Variants in XRCC5 observed in about 807,000 individuals in gnomAD.
The protein encoded by XRCC5 is DNA repair protein Ku80.
Under a neutral mutation model 95.7 loss-of-function variants are expected in XRCC5, and 12 were observed. That is an observed-to-expected ratio of 0.13 (90% CI 0.08 to 0.20). XRCC5 has a LOEUF of 0.20. Among genes scored for constraint, XRCC5 ranks in the 10% least tolerant of loss-of-function variants. The pLI is 1.00. For synonymous variants in XRCC5, 281 were observed against 290.3 expected (o/e 0.97, Z 0.33); for missense variants, 595 against 873.9 (o/e 0.68, Z 4.02).
rs1574456798 is a variant in XRCC5, at chr2:216,127,872, A to G, written c.937+198A>G. The G allele has an allele frequency of 3.2e-5, 12 of 380,292 alleles. No homozygotes were observed. In the East Asian group the frequency reaches 5.6e-4, roughly 18 times the overall value. The allele number at this position is 380,292 out of a possible 1,614,324, so 23.6% of individuals were successfully genotyped here. ...TAGGCAGGTTGCTTCTCAGGAGTACACTTGGGTGTTCCATCTCTGTGAGTT... is the reference window on the plus strand; with the variant it reads ...TAGGCAGGTTGCTTCTCAGGAGTACGCTTGGGTGTTCCATCTCTGTGAGTT... On this transcript the variant is annotated intron_variant, in intron 8 of 20. Coordinates refer to ENST00000392132, the MANE Select transcript of XRCC5 (RefSeq NM_021141.4).
chr2:216,112,885 T>A (rs1696614059), intron 1 of XRCC5, 131 bp from the exon 2 acceptor site: 1 of 675,376 alleles, frequency 1.5e-6, no homozygotes, highest in African/African-American at 1.8e-5. Context: ...CATTCTTATG[T>A]AGAACACATC....
intron 16 of XRCC5, among the ~76,000 whole-genome samples, chr2:216,176,297 T>G (rs1386968045): frequency 6.6e-6 from 1 of 152,084 alleles, no homozygotes; most frequent in Non-Finnish European, 1.5e-5. Flanking sequence ...TTTTGTATTT[T>G]TAGTGGAGAC....
chr2:216,155,336 G>A (rs1292487396), intron 14 of XRCC5, among the ~76,000 whole-genome samples: 3 of 151,580 alleles, frequency 2.0e-5, no homozygotes, highest in Non-Finnish European at 4.4e-5. Context: ...ATGGAAAAAT[G>A]GTCAAAGATT....
chr2:216,138,972 G>A (rs890950876), intron 12 of XRCC5, among the ~76,000 whole-genome samples: 4 of 152,062 alleles, frequency 2.6e-5, no homozygotes, highest in Non-Finnish European at 4.4e-5. Context: ...GCTATAGAAA[G>A]GCCAAGAATC....
chr2:216,204,048 A>C, intron 19 of XRCC5: 1 of 444,492 alleles, frequency 2.2e-6, no homozygotes. Flanking sequence ...AGGACACTAC[A>C]CACTGTCTCG....
At chr2:216,188,323 A>G (rs1689545904) in intron 16 of XRCC5, among the ~76,000 whole-genome samples, 1 of 152,196 alleles carries the variant, frequency 6.6e-6, no homozygotes, top group Non-Finnish European at 1.5e-5. Flanking sequence ...ATTATTTCCC[A>G]GTGTTAATTT....
intron 8 of XRCC5, among the ~76,000 whole-genome samples, chr2:216,130,357 A>G (rs950150131): frequency 1.3e-5 from 2 of 152,078 alleles, no homozygotes; most frequent in African/African-American, 2.4e-5. Context: ...AAAAATATAT[A>G]ACTTATCAAT....
chr2:216,117,520 C>A, intron 3 of XRCC5: 1 of 493,338 alleles, frequency 2.0e-6, no homozygotes, highest in East Asian at 3.0e-5. Flanking sequence ...TGTTAGATTA[C>A]CTTTTGTTTA....
intron 16 of XRCC5, among the ~76,000 whole-genome samples, chr2:216,182,826 A>G (rs886911761): frequency 6.6e-6 from 1 of 152,160 alleles, no homozygotes; most frequent in Non-Finnish European, 1.5e-5. Context: ...ATATTAATTG[A>G]TGACCTTCAG....
intron 12 of XRCC5, among the ~76,000 whole-genome samples, chr2:216,138,761 T>C (rs1015491474): frequency 3.3e-5 from 5 of 152,218 alleles, no homozygotes; most frequent in Admixed American, 6.5e-5. Flanking sequence ...AGAGAGCCTG[T>C]CATTTAAAAC....
chr2:216,130,319 C>T (rs1354238453), intron 8 of XRCC5, among the ~76,000 whole-genome samples: 1 of 150,006 alleles, frequency 6.7e-6, no homozygotes, highest in Admixed American at 6.7e-5. Context: ...ACAGTTAAAT[C>T]CCAGAAATAA....
chr2:216,159,063 A>C (rs1348179206), intron 14 of XRCC5, among the ~76,000 whole-genome samples: 1 of 152,244 alleles, frequency 6.6e-6, no homozygotes, highest in Non-Finnish European at 1.5e-5. Flanking sequence ...AATTAGCTTA[A>C]TTTAGCTATT....
chr2:216,136,522 G>A (rs1159977960), intron 10 of XRCC5, among the ~76,000 whole-genome samples: 3 of 152,072 alleles, frequency 2.0e-5, no homozygotes, highest in African/African-American at 7.2e-5. Flanking sequence ...AGGGGAGAAT[G>A]TTGTTTTTGA....
At chr2:216,164,375 TTAC>T (rs1689014429) in intron 16 of XRCC5, among the ~76,000 whole-genome samples, 1 of 152,240 alleles carries the variant, frequency 6.6e-6, no homozygotes, top group South Asian at 2.1e-4. Context: ...GGTTTCATAT[TTAC>T]TATGTTCAAG....
chr2:216,165,184 A>G (rs1054523191), intron 16 of XRCC5, among the ~76,000 whole-genome samples: 22 of 152,208 alleles, frequency 1.4e-4, no homozygotes, highest in African/African-American at 4.1e-4. Flanking sequence ...TTTGATTCCT[A>G]ATGACTTCCT....
Position 216,122,238 on chromosome 2 carries a change from A to G in XRCC5, c.668A>G (p.Glu223Gly). 1 of 1,609,578 alleles carries G rather than the reference A, an allele frequency of 6.2e-7. No homozygotes were observed. ...ISLEGEDGLD[E>G]IYSFSESLRK... ...TTAGAAGGTGAAGATGGGTTGGATGAAATTTATTCATTCAGGTAAGAATTG... is the reference window on the plus strand; with the variant it reads ...TTAGAAGGTGAAGATGGGTTGGATGGAATTTATTCATTCAGGTAAGAATTG... Residue 223 changes from glutamate to glycine, a missense_variant, in exon 6 of 21, where the codon GAA becomes GGA. By Grantham distance (98) the Glu-to-Gly change is moderately conservative. Transcript: ENST00000392132.
At chr2:216,116,043 C>G (rs1363234564) in intron 2 of XRCC5, among the ~76,000 whole-genome samples, 1 of 152,110 alleles carries the variant, frequency 6.6e-6, no homozygotes, top group African/African-American at 2.4e-5. Flanking sequence ...TAGATCTATT[C>G]ATGTTGATAC....
intron 12 of XRCC5, 65 bp from the exon 13 acceptor site, chr2:216,141,121 G>C: frequency 6.3e-7 from 1 of 1,591,006 alleles, no homozygotes; most frequent in East Asian, 2.2e-5. Flanking sequence ...TCTCTACGTA[G>C]AAAGCATTTG....
intron 6 of XRCC5, 70 bp from the exon 7 acceptor site, chr2:216,125,847 C>A (rs936386046): frequency 7.2e-6 from 9 of 1,247,078 alleles, no homozygotes; most frequent in South Asian, 2.5e-5. Flanking sequence ...TGTAGAAAAT[C>A]AAATGCATCA....
Sources: allele counts gnomAD v4.1 joint callset (sites outside exome capture counted in the v4.1 genomes callset), GRCh38; gene constraint gnomAD v4.1.1; transcripts MANE v1.5; gene names NCBI Gene and HGNC (gene_info 2026-07-23, HGNC 2026-07-21).